ZFAT: variants seen among roughly 807,000 people sequenced by gnomAD.
ZFAT encodes the protein zinc finger and AT-hook domain containing.
Under a neutral mutation model 117.7 loss-of-function variants are expected in ZFAT, and 64 were observed. That is an observed-to-expected ratio of 0.54 (90% CI 0.44 to 0.67). The LOEUF (loss-of-function observed/expected upper bound fraction) is 0.67. Ranked by LOEUF, ZFAT falls within the 30% of genes least tolerant of loss-of-function variation. The pLI is 0.00. For missense variants in ZFAT, 1,433 were observed against 1,584.5 expected (o/e 0.90, Z 1.62); for synonymous variants, 679 against 615.0 (o/e 1.10, Z -1.54).
chr8:134,721,587 AC>A, the ZFAT span, among the ~76,000 whole-genome samples: 3 of 151,798 alleles, frequency 2.0e-5, no homozygotes, highest in South Asian at 6.2e-4. Context: ...CCTTCTTACA[AC>A]TCTGAGCCTC....
At chr8:134,795,002 G>A in the ZFAT span, 1 of 152,022 alleles carries the variant, frequency 6.6e-6, no homozygotes, top group Non-Finnish European at 1.5e-5. Flanking sequence ...TTTTAACAGA[G>A]AACTATCCAG....
the ZFAT span, among the ~76,000 whole-genome samples, chr8:134,774,474 C>G: frequency 6.6e-6 from 1 of 152,116 alleles, no homozygotes; most frequent in East Asian, 1.9e-4. Context: ...CAATCAACAG[C>G]CATCAACATC....
chr8:134,585,073 G>C (rs1183537140), intron 9 of ZFAT, among the ~76,000 whole-genome samples: 1 of 152,122 alleles, frequency 6.6e-6, no homozygotes, highest in Non-Finnish European at 1.5e-5. Context: ...GTGTGCCCTT[G>C]AACTTATGTT....
intron 7 of ZFAT, among the ~76,000 whole-genome samples, chr8:134,590,927 A>C (rs1039696961): frequency 3.3e-5 from 5 of 152,180 alleles, no homozygotes; most frequent in Non-Finnish European, 7.4e-5. Context: ...AAGCACATAC[A>C]TACACCCTCT....
chr8:134,513,987 T>C (rs1820059852), intron 13 of ZFAT, among the ~76,000 whole-genome samples: 1 of 152,260 alleles, frequency 6.6e-6, no homozygotes. Flanking sequence ...AGGCAATGCC[T>C]GAGCCCGTGA....
chr8:134,577,155 G>A (rs1478530829), intron 10 of ZFAT, among the ~76,000 whole-genome samples: 1 of 152,142 alleles, frequency 6.6e-6, no homozygotes, highest in African/African-American at 2.4e-5. Context: ...CTTACATCCT[G>A]TTGGCATACA....
chr8:134,682,445 CAGG>C (rs1418396166), intron 1 of ZFAT, among the ~76,000 whole-genome samples: 1 of 152,098 alleles, frequency 6.6e-6, no homozygotes, highest in African/African-American at 2.4e-5. Flanking sequence ...CGCTTGAGCT[CAGG>C]AGTTCGAGAC....
At chr8:134,560,472 T>C (rs4909483) in intron 11 of ZFAT, among the ~76,000 whole-genome samples, 95,375 of 152,128 alleles carry the variant, frequency 0.63, 30,259 homozygotes, top group Admixed American at 0.71. Flanking sequence ...AAACTCACTT[T>C]TGATTCATGT....
chr8:134,693,774 G>A (rs1019936925), intron 1 of ZFAT, among the ~76,000 whole-genome samples: 1 of 152,146 alleles, frequency 6.6e-6, no homozygotes, highest in Non-Finnish European at 1.5e-5. Flanking sequence ...TCCTTGGAGT[G>A]AGGAGTAGCA....
chr8:134,482,613 C>G (rs905337591), intron 15 of ZFAT, among the ~76,000 whole-genome samples: 3 of 152,180 alleles, frequency 2.0e-5, no homozygotes, highest in Non-Finnish European at 4.4e-5. Flanking sequence ...TAACCTTTCT[C>G]CATTTATTTT....
At chr8:134,785,724 A>G in the ZFAT span, 1 of 131,502 alleles carries the variant, frequency 7.6e-6, no homozygotes, top group Middle Eastern at 3.9e-3. Context: ...TTATCACTAT[A>G]GTTTTATAAG....
At chr8:134,792,331 G>A in the ZFAT span, 1 of 152,150 alleles carries the variant, frequency 6.6e-6, no homozygotes, top group Non-Finnish European at 1.5e-5. Flanking sequence ...AAGTATCAAT[G>A]ATTTAACTGT....
At chr8:134,565,812 A>G in intron 10 of ZFAT, 1 of 299,874 alleles carries the variant, frequency 3.3e-6, no homozygotes, top group South Asian at 3.0e-5. Context: ...GAGCAGCTGC[A>G]TCTTCCTTCC....
At chr8:134,643,118 G>A (rs151273158) in intron 2 of ZFAT, among the ~76,000 whole-genome samples, 119 of 152,320 alleles carry the variant, frequency 7.8e-4, no homozygotes, top group Non-Finnish European at 1.2e-3. Flanking sequence ...TCACATGCAC[G>A]TCCTCATTTA....
At chr8:134,501,911 C>A (rs1819011876) in intron 15 of ZFAT, among the ~76,000 whole-genome samples, 1 of 152,180 alleles carries the variant, frequency 6.6e-6, no homozygotes, top group Non-Finnish European at 1.5e-5. Flanking sequence ...GAGAAGAGAT[C>A]TCATCTCGGT....
At chr8:134,620,394 G>A (rs971223174) in intron 3 of ZFAT, among the ~76,000 whole-genome samples, 2 of 152,206 alleles carry the variant, frequency 1.3e-5, no homozygotes, top group Admixed American at 1.3e-4. Context: ...ACGCTGCACA[G>A]TCAACTGCAC....
the ZFAT span, among the ~76,000 whole-genome samples, chr8:134,804,260 A>G: frequency 4.6e-5 from 7 of 152,206 alleles, no homozygotes; most frequent in Admixed American, 3.9e-4. Flanking sequence ...CTTAGGAAAA[A>G]TATTAATATA....
chr8:134,643,887 C>T (rs931289785), intron 2 of ZFAT, among the ~76,000 whole-genome samples: 2 of 152,180 alleles, frequency 1.3e-5, no homozygotes, highest in South Asian at 2.1e-4. Flanking sequence ...GATTCCAAGA[C>T]GTGTGCCCTT....
chr8:134,713,282 C>T (rs546857115), upstream of ZFAT, among the ~76,000 whole-genome samples: 14 of 152,378 alleles, frequency 9.2e-5, no homozygotes, highest in Non-Finnish European at 2.1e-4. Context: ...TTGTGCCAGG[C>T]CTCTGCTAGC....
Sources: gnomAD v4.1 joint callset for allele counts (sites outside exome capture counted in the v4.1 genomes callset) on GRCh38, gnomAD v4.1.1 for gene constraint, MANE v1.5 for transcripts, NCBI Gene and HGNC (gene_info 2026-07-23, HGNC 2026-07-21) for gene names.